The following WWOX variants were observed in gnomAD, a reference collection of about 807,000 sequenced individuals.
The protein encoded by WWOX is WW domain containing oxidoreductase, also known as WW domain-containing oxidoreductase.
WWOX carries 69 observed loss-of-function variants against 46.2 expected under a neutral mutation model. The observed-to-expected ratio is 1.49, with a 90% CI of 1.23 to 1.82. The LOEUF (loss-of-function observed/expected upper bound fraction) is 1.82, where lower values mean the gene tolerates loss of function less well. WWOX is among the 40% of genes most tolerant of loss of function. The probability of loss-of-function intolerance (pLI) is 0.00; values close to 1 mark genes in which losing one functional copy is unlikely to be tolerated. For missense variants in WWOX, 919 were observed against 542.6 expected (o/e 1.69, Z -6.89); for synonymous variants, 359 against 202.6 (o/e 1.77, Z -6.56).
intron 8 of WWOX, among the ~76,000 whole-genome samples, chr16:78,629,219 C>T (rs931934986): frequency 6.8e-6 from 1 of 146,032 alleles, no homozygotes; most frequent in Non-Finnish European, 1.5e-5. Flanking sequence ...AACAGGAAGA[C>T]TTTTTCTCTT....
intron 8 of WWOX, among the ~76,000 whole-genome samples, chr16:78,678,538 C>G (rs1003053201): frequency 1.3e-5 from 2 of 152,130 alleles, no homozygotes; most frequent in Non-Finnish European, 2.9e-5. Context: ...AGGCGGAGAT[C>G]CAGTGCTCAG....
intron 5 of WWOX, among the ~76,000 whole-genome samples, chr16:78,255,515 T>C (rs956844069): frequency 9.2e-5 from 14 of 152,294 alleles, no homozygotes; most frequent in Middle Eastern, 3.4e-3. Context: ...AAAGCTAATT[T>C]ATCCAAAAGA....
At chr16:78,618,724 A>G (rs559075033) in intron 8 of WWOX, among the ~76,000 whole-genome samples, 1 of 152,138 alleles carries the variant, frequency 6.6e-6, no homozygotes, top group East Asian at 2.0e-4. Context: ...TGTAATATGT[A>G]TAATGACTCA....
At chr16:78,767,234 C>A (rs1199675195) in intron 8 of WWOX, among the ~76,000 whole-genome samples, 1 of 152,108 alleles carries the variant, frequency 6.6e-6, no homozygotes, top group Non-Finnish European at 1.5e-5. Context: ...GATCCTCCCA[C>A]CTCAGCCTCC....
intron 4 of WWOX, chr16:78,118,965 C>A (rs2032956037): frequency 6.6e-6 from 1 of 152,244 alleles, no homozygotes. Flanking sequence ...CTTTCTGAAC[C>A]TGAAGAACTT....
At chr16:78,389,948 C>G (rs1403108438) in intron 6 of WWOX, among the ~76,000 whole-genome samples, 2 of 152,162 alleles carry the variant, frequency 1.3e-5, no homozygotes, top group Non-Finnish European at 2.9e-5. Context: ...TGAGGTTTCA[C>G]CATGTTGGCC....
chr16:78,776,670 A>T (rs1261646295), intron 8 of WWOX, among the ~76,000 whole-genome samples: 1 of 152,130 alleles, frequency 6.6e-6, no homozygotes, highest in Non-Finnish European at 1.5e-5. Flanking sequence ...ATTTATAAAG[A>T]AAAGAGGTTT....
rs148218074 is a variant in WWOX at position 79,129,113 on chromosome 16, A to G, written c.1057-82495A>G. 7.5e-3 allele frequency among the ~76,000 whole-genome samples: 1,140 copies of G among 152,234 alleles called. 15 individuals carry two copies. Among genetic ancestry groups the G allele is most frequent in the African/African-American group, 0.025 (1,046 of 41,526 alleles). On this transcript the variant is annotated intron_variant, in intron 8 of 8. Coordinates refer to ENST00000566780, the MANE Select transcript of WWOX (RefSeq NM_016373.4). ...GATCTTGATAGGAATGCTTGCAAAC[A>G]ACGGTAGTTATAAAATGTTGCCTCC...
intron 5 of WWOX, among the ~76,000 whole-genome samples, chr16:78,306,586 C>T (rs527865668): frequency 2.0e-5 from 3 of 152,124 alleles, no homozygotes; most frequent in African/African-American, 7.2e-5. Context: ...ATTTCTTACT[C>T]CAGATCAAAG....
In WWOX at chr16:78,379,832, A is replaced by G. The variant is rs187151884; in HGVS notation, c.517-7028A>G. On this transcript the variant is annotated intron_variant, in intron 5 of 8. Transcript: ENST00000566780. ...TGATCACTGGAATTATTCCTGTCCT[A>G]TGTTCTAAAGGCCTGTTGCCTTGAG... Among the ~76,000 whole-genome samples the G allele has an allele frequency of 2.0e-3, 310 of 152,290 alleles. 1 individual carries two copies. The highest frequency in any genetic ancestry group is 6.7e-3 in the African/African-American group (279 of 41,544).
chr16:78,102,452 ATT>A (rs2151656424), intron 1 of WWOX, among the ~76,000 whole-genome samples: 1 of 152,338 alleles, frequency 6.6e-6, no homozygotes, highest in Non-Finnish European at 1.5e-5. Context: ...CAGCTTGTGA[ATT>A]CTGGAAGAAT....
intron 8 of WWOX, among the ~76,000 whole-genome samples, chr16:79,178,620 T>C (rs539334919): frequency 6.6e-6 from 1 of 152,276 alleles, no homozygotes; most frequent in South Asian, 2.1e-4. Flanking sequence ...CCCAGCCTGA[T>C]TCCTGTTTTA....
rs980494181 is a variant in WWOX at position 78,498,068 on chromosome 16, G to T, written c.1056+65316G>T. 2.0e-5 allele frequency among the ~76,000 whole-genome samples: 3 copies of T among 151,874 alleles called. No individual in the cohort carries two copies. In the South Asian group the frequency reaches 6.2e-4, roughly 32 times the overall value. ...ATACAAAAAGAAATTAGCTGTGCGT[G>T]GTGGCGGGCGCCTGTAGTCCCAGCT... On this transcript the variant is annotated intron_variant, in intron 8 of 8. Coordinates refer to ENST00000566780, the MANE Select transcript of WWOX (RefSeq NM_016373.4).
At chr16:78,655,615 C>A (rs74498203) in intron 8 of WWOX, among the ~76,000 whole-genome samples, 1 of 151,838 alleles carries the variant, frequency 6.6e-6, no homozygotes, top group Admixed American at 6.6e-5. Context: ...CAAAATGGAA[C>A]GGCTAAGTAG....
At chr16:78,914,853 C>T (rs891123491) in intron 8 of WWOX, among the ~76,000 whole-genome samples, 64 of 142,564 alleles carry the variant, frequency 4.5e-4, no homozygotes, top group East Asian at 1.3e-3. Flanking sequence ...CACTCCCGCC[C>T]GGGTGACAGA....
At chr16:78,959,928 T>C (rs1284678635) in intron 8 of WWOX, among the ~76,000 whole-genome samples, 1 of 152,212 alleles carries the variant, frequency 6.6e-6, no homozygotes, top group East Asian at 1.9e-4. Flanking sequence ...ATGACCTAAG[T>C]AATTCTCATT....
chr16:78,384,656 G>A (rs370044471), intron 5 of WWOX, among the ~76,000 whole-genome samples: 15 of 152,212 alleles, frequency 9.9e-5, no homozygotes, highest in East Asian at 9.7e-4. Context: ...ACGTGTGGGC[G>A]TTTTCCCCTT....
chr16:79,062,300 C>A (rs1396505612), intron 8 of WWOX, among the ~76,000 whole-genome samples: 2 of 152,166 alleles, frequency 1.3e-5, no homozygotes, highest in African/African-American at 4.8e-5. Flanking sequence ...TACCTTCTGG[C>A]ATGTGCTTTG....
chr16:78,562,109 A>C (rs1294285766), intron 8 of WWOX, among the ~76,000 whole-genome samples: 1 of 152,172 alleles, frequency 6.6e-6, no homozygotes, highest in East Asian at 1.9e-4. Flanking sequence ...TCTCAGATAG[A>C]GTTATCCAAA....
Sources: allele counts gnomAD v4.1 joint callset (sites outside exome capture counted in the v4.1 genomes callset), GRCh38; gene constraint gnomAD v4.1.1; transcripts MANE v1.5; gene names NCBI Gene and HGNC (gene_info 2026-07-23, HGNC 2026-07-21).